The following SENP5 variants were observed in gnomAD, a reference collection of about 807,000 sequenced individuals.
The protein encoded by SENP5 is sentrin-specific protease 5.
SENP5 carries 21 observed loss-of-function variants against 74.2 expected under a neutral mutation model. The ratio of observed to expected loss-of-function variants is 0.28; its 90% CI spans 0.20 to 0.41. SENP5 has a LOEUF of 0.41. Ranked by LOEUF, SENP5 falls within the 10% of genes least tolerant of loss-of-function variation. The pLI is 1.00. For synonymous variants in SENP5, 311 were observed against 312.7 expected (o/e 0.99, Z 0.06); for missense variants, 717 against 889.1 (o/e 0.81, Z 2.46).
chr3:196,931,705 G>T lies in SENP5; in HGVS notation c.*782G>T. On this transcript the variant is annotated 3_prime_UTR_variant, in exon 10 of 10. Coordinates refer to ENST00000323460, the MANE Select transcript of SENP5 (RefSeq NM_152699.5). ...GAATTCCCTGAATTTTTCTGTTTTCGACCTGTTAAAAAAATCTTAACATCC... is the reference window on the plus strand; with the variant it reads ...GAATTCCCTGAATTTTTCTGTTTTCTACCTGTTAAAAAAATCTTAACATCC... The T allele has an allele frequency of 1.1e-5, 3 of 265,700 alleles. No individual in the cohort carries two copies. The highest frequency in any genetic ancestry group is 2.2e-5 in the Non-Finnish European group (3 of 133,488). 16.5% of individuals were successfully genotyped at this position (265,700 alleles called of 1,614,324 possible). A position where few individuals can be genotyped will look rare whatever the true frequency, so the allele number is the denominator to read the frequency against.
chr3:196,930,753 A>G (rs1378429916), intron 9 of SENP5, 60 bp from the exon 10 acceptor site: 3 of 1,057,842 alleles, frequency 2.8e-6, no homozygotes, highest in Non-Finnish European at 4.5e-6. Context: ...GTAAAACAGA[A>G]TGGGCTGGTC....
At chr3:196,876,992 C>G (rs552878887) in intron 1 of SENP5, among the ~76,000 whole-genome samples, 1 of 152,246 alleles carries the variant, frequency 6.6e-6, no homozygotes, top group South Asian at 2.1e-4. Context: ...ATATTGGACT[C>G]TGCCACCCAC....
intron 1 of SENP5, 69 bp from the exon 2 acceptor site, chr3:196,885,082 A>G (rs1180444040): frequency 1.2e-6 from 1 of 850,394 alleles, no homozygotes; most frequent in African/African-American, 1.7e-5. Flanking sequence ...TTTCTGCCTT[A>G]GTTACTGTGA....
intron 7 of SENP5, among the ~76,000 whole-genome samples, chr3:196,925,968 T>G (rs2108865501): frequency 6.6e-6 from 1 of 152,294 alleles, no homozygotes; most frequent in East Asian, 1.9e-4. Context: ...GTAGGGGTTG[T>G]AGAAGTGGCT....
chr3:196,910,678 C>T (rs530268581), intron 6 of SENP5, among the ~76,000 whole-genome samples: 8 of 151,978 alleles, frequency 5.3e-5, no homozygotes, highest in Non-Finnish European at 1.2e-4. Flanking sequence ...AATGCTATTC[C>T]CATCAAACTA....
chr3:196,927,267 G>A (rs1715848882), intron 7 of SENP5, among the ~76,000 whole-genome samples: 2 of 152,092 alleles, frequency 1.3e-5, no homozygotes, highest in Admixed American at 1.3e-4. Context: ...TTCCTCTGTT[G>A]AGCATGGGCA....
At chr3:196,921,346 A>G (rs1469171864) in intron 6 of SENP5, among the ~76,000 whole-genome samples, 1 of 152,146 alleles carries the variant, frequency 6.6e-6, no homozygotes, top group Non-Finnish European at 1.5e-5. Flanking sequence ...TCATGTCAGC[A>G]CTCAAAAAGT....
chr3:196,903,980 A>G (rs1299672821), intron 6 of SENP5, among the ~76,000 whole-genome samples: 2 of 152,262 alleles, frequency 1.3e-5, no homozygotes, highest in Admixed American at 1.3e-4. Context: ...GAGCACAAGC[A>G]TTTGAGGCCA....
At chr3:196,912,639 C>A (rs1715184434) in intron 6 of SENP5, 1 of 152,072 alleles carries the variant, frequency 6.6e-6, no homozygotes, top group Non-Finnish European at 1.5e-5. Context: ...ATGTAACAAA[C>A]CTGCCTGTTC....
chr3:196,875,621 GAAAAATAATTTCTTCAGAGA>G (rs1304438968), intron 1 of SENP5, among the ~76,000 whole-genome samples: 2 of 152,104 alleles, frequency 1.3e-5, no homozygotes, highest in Non-Finnish European at 2.9e-5. Flanking sequence ...TGTCTCAGCT[GAAAAATAATTTCTTCAGAGA>G]AAAAATAATT....
rs547739376 is a variant in SENP5 at position 196,873,134 on chromosome 3, C to T, written c.-32+5061C>T. Among the ~76,000 whole-genome samples, 22 of 140,878 alleles carry T rather than the reference C, an allele frequency of 1.6e-4. No homozygotes were observed. In the South Asian group the frequency reaches 4.0e-3, roughly 26 times the overall value. 92.4% of individuals were successfully genotyped at this position (140,878 alleles called of 152,430 possible). Reference sequence around the variant, plus strand: ...TGTTGCCCAGGCTGGAGTGCAGTGGCGTGAACTTGGCTCACTGCAACCTCC... The same window carrying T: ...TGTTGCCCAGGCTGGAGTGCAGTGGTGTGAACTTGGCTCACTGCAACCTCC... On this transcript the variant is annotated intron_variant, in intron 1 of 9. Transcript: ENST00000323460.
At chr3:196,902,504 A>C (rs908372921) in intron 5 of SENP5, among the ~76,000 whole-genome samples, 9 of 152,222 alleles carry the variant, frequency 5.9e-5, no homozygotes, top group African/African-American at 2.2e-4. Flanking sequence ...AAAGGTTTAT[A>C]AAACCAGATT....
Position 196,934,491 on chromosome 3 carries a change from T to A in SENP5, c.*3568T>A, listed in dbSNP as rs1174965259. The A allele has an allele frequency of 6.6e-6, 1 of 152,252 alleles. No individual in the cohort carries two copies. The highest frequency in any genetic ancestry group is 2.4e-5 in the African/African-American group (1 of 41,472). 9.4% of individuals were successfully genotyped at this position (152,252 alleles called of 1,614,324 possible). A position where few individuals can be genotyped will look rare whatever the true frequency, so the allele number is the denominator to read the frequency against. The stretch of plus-strand genomic sequence containing the variant: ...ACATACTTTGTTACGTGCTAGGCTT[T>A]GCCTCCTGGCCTCTAGATAATTAAG... On this transcript the variant is annotated 3_prime_UTR_variant, in exon 10 of 10. Transcript: ENST00000323460.
chr3:196,914,586 A>AAATATATATATATATAT, intron 6 of SENP5: 2 of 33,512 alleles, frequency 6.0e-5, no homozygotes, highest in African/African-American at 1.8e-4. Flanking sequence ...AAAAAAAAAA[A>AAATATATATATATATAT]ATATATATAT....
In SENP5 at chr3:196,929,614, A is replaced by G. The variant is rs761067843; in HGVS notation, c.2107-19A>G. On this transcript the variant is annotated intron_variant, in intron 8 of 9. Transcript: ENST00000323460. ...AGTAATGGATCTTGTTTTAATGACT[A>G]TTTTGTTTTTCCCTTCAGTGTATTC... is the stretch of plus-strand genomic sequence containing the variant. The G allele has an allele frequency of 6.1e-6, 9 of 1,470,850 alleles. No homozygotes were observed. The highest frequency in any genetic ancestry group is 2.5e-5 in the East Asian group (1 of 40,752). The allele number at this position is 1,470,850 out of a possible 1,614,324, so 91.1% of individuals were successfully genotyped here.
chr3:196,894,902 C>T (rs1560147949), intron 2 of SENP5, among the ~76,000 whole-genome samples: 1 of 152,178 alleles, frequency 6.6e-6, no homozygotes, highest in Non-Finnish European at 1.5e-5. Context: ...GGGACAGTTG[C>T]TTTCATTGCA....
chr3:196,876,944 A>G (rs987909125), intron 1 of SENP5, among the ~76,000 whole-genome samples: 11 of 152,176 alleles, frequency 7.2e-5, no homozygotes, highest in African/African-American at 1.7e-4. Flanking sequence ...TTTACCGTAT[A>G]TACTTGTTGG....
intron 6 of SENP5, among the ~76,000 whole-genome samples, chr3:196,906,725 C>T (rs1714918140): frequency 6.6e-6 from 1 of 152,078 alleles, no homozygotes; most frequent in Non-Finnish European, 1.5e-5. Context: ...ATGAAGTGTA[C>T]CTGATCCACA....
chr3:196,886,337 T>A lies in SENP5; in HGVS notation c.1156T>A (p.Phe386Ile), dbSNP rs768682349. ...PLPEHRSNTM[F>I]ISETEREIMT... ...ACCAGAACATCGTTCTAATACCATG[T>A]TCATTTCAGAAACTGAAAGAGAAAT... Residue 386 changes from phenylalanine (F) to isoleucine (I), a missense_variant, in exon 2 of 10, where the codon TTC becomes ATC. Phe to Ile is a conservative substitution (Grantham distance 21). Coordinates refer to ENST00000323460, the MANE Select transcript of SENP5 (RefSeq NM_152699.5). 1.9e-6 allele frequency: 3 copies of A among 1,613,840 alleles called. No individual in the cohort carries two copies. Among genetic ancestry groups the A allele is most frequent in the Non-Finnish European group, 2.5e-6 (3 of 1,179,904 alleles).
Sources: gnomAD v4.1 joint callset for allele counts (sites outside exome capture counted in the v4.1 genomes callset) on GRCh38, gnomAD v4.1.1 for gene constraint, MANE v1.5 for transcripts, NCBI Gene and HGNC (gene_info 2026-07-23, HGNC 2026-07-21) for gene names.